The following RAD21L1 variants were observed in gnomAD, a reference collection of about 807,000 sequenced individuals.
RAD21L1 encodes the protein double-strand-break repair protein rad21-like protein 1.
RAD21L1 carries 47 observed loss-of-function variants against 69.0 expected under a neutral mutation model. That is an observed-to-expected ratio of 0.68 (90% CI 0.54 to 0.87). The LOEUF (loss-of-function observed/expected upper bound fraction) is 0.87. RAD21L1 is among the 40% of genes least tolerant of loss of function. The pLI, the probability that RAD21L1 is intolerant of heterozygous loss-of-function variation, is 0.00. For missense variants in RAD21L1, 583 were observed against 647.6 expected, an observed-to-expected ratio of 0.90 and a Z score of 1.08; for synonymous variants, 177 against 205.8, an observed-to-expected ratio of 0.86 and a Z score of 1.20.
chr20:1,254,369 T>C lies in RAD21L1; in HGVS notation c.1580T>C (p.Leu527Pro), dbSNP rs2087894782. Residue 527 changes from leucine (L) to proline (P), a missense_variant, in exon 14 of 14, where the codon CTA becomes CCA. By Grantham distance (98) the Leu-to-Pro change is moderately conservative (BLOSUM62 -3). Coordinates refer to ENST00000683101, the MANE Select transcript of RAD21L1 (RefSeq NM_001384355.1). The part of the protein sequence containing the change: ...AAAKFYSFLV[L>P]KKQLAIELSQ... ...GCCAAATTTTATAGCTTTCTTGTCC[T>C]AAAGAAACAGCTGGCTATTGAGCTG... 1 of 1,551,294 alleles carries C rather than the reference T, an allele frequency of 6.4e-7. No individual in the cohort carries two copies. Among genetic ancestry groups the C allele is most frequent in the African/African-American group, 1.4e-5 (1 of 73,048 alleles).
intron 13 of RAD21L1, among the ~76,000 whole-genome samples, chr20:1,249,521 T>C (rs2087784357): frequency 6.6e-6 from 1 of 152,218 alleles, no homozygotes; most frequent in South Asian, 2.1e-4. Flanking sequence ...CTTTGTCTTC[T>C]CAAGATCCAA....
intron 13 of RAD21L1, among the ~76,000 whole-genome samples, chr20:1,250,043 C>T (rs954890038): frequency 1.5e-5 from 2 of 135,392 alleles, no homozygotes; most frequent in African/African-American, 2.7e-5. Context: ...GTGTGTTGTT[C>T]GCCTTCTTGT....
intron 4 of RAD21L1, among the ~76,000 whole-genome samples, chr20:1,233,810 G>T (rs1329760805): frequency 2.0e-5 from 3 of 152,140 alleles, no homozygotes; most frequent in Admixed American, 1.3e-4. Context: ...TGCATTTGAG[G>T]TGAAGAAGAC....
chr20:1,231,116 C>T (rs1173046136), intron 3 of RAD21L1, among the ~76,000 whole-genome samples: 1 of 152,106 alleles, frequency 6.6e-6, no homozygotes, highest in Non-Finnish European at 1.5e-5. Flanking sequence ...TGTAAAAAGT[C>T]CCTGAGGGAA....
intron 13 of RAD21L1, among the ~76,000 whole-genome samples, chr20:1,249,256 TTAAAC>T (rs2087777318): frequency 1.3e-5 from 2 of 152,154 alleles, no homozygotes; most frequent in Admixed American, 1.3e-4. Flanking sequence ...TATTTCAGCT[TTAAAC>T]TATATCTACT....
chr20:1,236,603 CTG>C (rs2087499447), intron 5 of RAD21L1, among the ~76,000 whole-genome samples: 4 of 152,172 alleles, frequency 2.6e-5, no homozygotes, highest in Admixed American at 2.6e-4. Flanking sequence ...TATTGATTTC[CTG>C]TGTGACACTG....
chr20:1,239,776 G>A (rs1568521131), intron 7 of RAD21L1, among the ~76,000 whole-genome samples: 1 of 152,188 alleles, frequency 6.6e-6, no homozygotes, highest in Non-Finnish European at 1.5e-5. Context: ...TCATACGGAA[G>A]TACCTCAGAT....
At position 1,238,063 on chromosome 20, in the gene RAD21L1, C is replaced by A; in HGVS notation, c.495C>A (p.Leu165=). ...AESFGEESEI[L]RRHSFFDDNI... is the part of the protein sequence containing the mutation. ...ATTTAGGGGAGGAATCTGAAATTCT[C>A]AGAAGACATAGCTTCTTTGATGACA... The change falls in exon 6 of 14, where the codon CTC becomes CTA. Residue 165 remains leucine, a synonymous_variant. Transcript: ENST00000683101. 6.6e-7 allele frequency: 1 copy of A among 1,513,746 alleles called. No homozygotes were observed. The highest frequency in any genetic ancestry group is 8.9e-7 in the Non-Finnish European group (1 of 1,121,116). 93.8% of individuals were successfully genotyped at this position (1,513,746 alleles called of 1,614,324 possible). A position where few individuals can be genotyped will look rare whatever the true frequency, so the allele number is the denominator to read the frequency against.
intron 5 of RAD21L1, among the ~76,000 whole-genome samples, chr20:1,236,594 AT>A (rs1450522376): frequency 6.6e-6 from 1 of 152,112 alleles, no homozygotes; most frequent in Non-Finnish European, 1.5e-5. Flanking sequence ...AACTTTCTCT[AT>A]TGATTTCCTG....
At chr20:1,241,865 C>G (rs2087613982) in intron 8 of RAD21L1, among the ~76,000 whole-genome samples, 2 of 152,194 alleles carry the variant, frequency 1.3e-5, no homozygotes, top group African/African-American at 4.8e-5. Context: ...TACAGCTTTA[C>G]TAAAGAAAAG....
intron 11 of RAD21L1, among the ~76,000 whole-genome samples, chr20:1,244,541 A>G (rs540894844): frequency 6.6e-6 from 1 of 152,254 alleles, no homozygotes; most frequent in East Asian, 1.9e-4. Context: ...TTTTCATCAT[A>G]AATTCACCCA....
intron 8 of RAD21L1, among the ~76,000 whole-genome samples, chr20:1,241,420 T>C (rs923512064): frequency 1.3e-5 from 2 of 152,226 alleles, no homozygotes; most frequent in African/African-American, 4.8e-5. Context: ...CTAATATAAC[T>C]AGGTCATTTA....
intron 12 of RAD21L1, among the ~76,000 whole-genome samples, chr20:1,247,343 TGC>T (rs2087737895): frequency 6.6e-6 from 1 of 152,188 alleles, no homozygotes. Flanking sequence ...AGTTTAGTTG[TGC>T]ATTATAGATG....
At chr20:1,242,871 T>G in intron 9 of RAD21L1, 26 bp downstream of exon 9, 1 of 1,348,546 alleles carries the variant, frequency 7.4e-7, no homozygotes, top group Non-Finnish European at 1.0e-6. Flanking sequence ...CTTCTACATG[T>G]GAGCAATGTC....
chr20:1,254,568 T>C lies in RAD21L1; in HGVS notation c.*111T>C, dbSNP rs921613412. ...CTGAAGGTCTGATCCATTTCATAGA[T>C]AGGCTGACCTACTTCCTCTCTGTAG... On this transcript the variant is annotated 3_prime_UTR_variant, in exon 14 of 14. Coordinates refer to ENST00000683101, the MANE Select transcript of RAD21L1 (RefSeq NM_001384355.1). 1.2e-5 allele frequency: 7 copies of C among 601,922 alleles called. No homozygotes were observed. Among genetic ancestry groups the C allele is most frequent in the Non-Finnish European group, 1.9e-5 (7 of 376,022 alleles). The allele number at this position is 601,922 out of a possible 1,614,324, so 37.3% of individuals were successfully genotyped here.
chr20:1,229,729 C>A, intron 2 of RAD21L1, 151 bp from the exon 3 acceptor site: 1 of 531,938 alleles, frequency 1.9e-6, no homozygotes. Flanking sequence ...AATCATTTTG[C>A]AAGGTAAGGT....
intron 13 of RAD21L1, among the ~76,000 whole-genome samples, chr20:1,251,120 A>G (rs2122165088): frequency 6.6e-6 from 1 of 152,304 alleles, no homozygotes; most frequent in Non-Finnish European, 1.5e-5. Flanking sequence ...CAGACCCTCC[A>G]TACCAGCGTG....
chr20:1,234,158 G>T lies in RAD21L1; in HGVS notation c.442G>T (p.Asp148Tyr). 6.5e-7 allele frequency: 1 copy of T among 1,539,848 alleles called. No homozygotes were observed. Among genetic ancestry groups the T allele is most frequent in the South Asian group, 1.2e-5 (1 of 83,558 alleles). Residue 148 changes from aspartate (D) to tyrosine (Y), a missense_variant, in exon 5 of 14, where the codon GAC becomes TAC. Transcript: ENST00000683101. Reference protein sequence around the residue: ...PEEITLRENFDNDLIFQAESF... With the variant: ...PEEITLRENFYNDLIFQAESF... ...AGAAATCACTCTTAGAGAAAATTTT[G>T]ACAATGATCTAATTTTCCAAGCTGA...
At position 1,239,345 on chromosome 20, in the gene RAD21L1, T is replaced by G. The variant is rs1383504123; in HGVS notation, c.680T>G (p.Leu227Ter). Residue 227 changes from leucine (L) to a stop codon, truncating the protein, a stop_gained, in exon 7 of 14, where the codon TTA (leucine) becomes TGA (stop). Transcript: ENST00000683101. LOFTEE classifies it high-confidence loss of function. ...TTGCAAGATGATCAGAATATCCTGT[T>G]AGAAGACATGCATTTGAACAGAGAA... ...NLLQDDQNILLEDMHLNREIS... is the reference protein window; with the variant it reads ...NLLQDDQNIL 1 of 1,549,320 alleles carries G rather than the reference T, an allele frequency of 6.5e-7. No homozygotes were observed. Among genetic ancestry groups the G allele is most frequent in the Admixed American group, 2.0e-5 (1 of 50,954 alleles).
Sources: allele counts gnomAD v4.1 joint callset (sites outside exome capture counted in the v4.1 genomes callset), GRCh38; gene constraint gnomAD v4.1.1; transcripts MANE v1.5; gene names NCBI Gene and HGNC (gene_info 2026-07-23, HGNC 2026-07-21).